FAF1: variants seen among roughly 807,000 people sequenced by gnomAD.
The protein encoded by FAF1 is Fas associated factor 1.
Under a neutral mutation model 92.5 loss-of-function variants are expected in FAF1, and 25 were observed. The ratio of observed to expected loss-of-function variants is 0.27; its 90% CI spans 0.20 to 0.38. The LOEUF (loss-of-function observed/expected upper bound fraction) is 0.38. FAF1 is among the 10% of genes least tolerant of loss of function. The pLI, the probability that FAF1 is intolerant of heterozygous loss-of-function variation, is 1.00. For missense variants in FAF1, 636 were observed against 793.3 expected (o/e 0.80, Z 2.38); for synonymous variants, 234 against 273.2 (o/e 0.86, Z 1.42).
At chr1:50,469,911 T>C (rs924780018) in intron 18 of FAF1, among the ~76,000 whole-genome samples, 1 of 152,172 alleles carries the variant, frequency 6.6e-6, no homozygotes, top group African/African-American at 2.4e-5. Flanking sequence ...TAACCAGATA[T>C]AGTGACATAA....
At position 50,883,093 on chromosome 1, in the gene FAF1, T is replaced by C. The variant is rs137888593; in HGVS notation, c.46-25096A>G. Among the ~76,000 whole-genome samples the C allele has an allele frequency of 1.4e-4, 22 of 152,154 alleles. No individual in the cohort carries two copies. In the East Asian group the frequency reaches 2.9e-3, roughly 20 times the overall value. ...CCAGATTTGATAACCAGGAGGTCAC[T>C]GTTTGCCCCACCTGGAAACCCCTAT... is the stretch of plus-strand genomic sequence containing the variant. On this transcript the variant is annotated intron_variant, in intron 1 of 18. Transcript: ENST00000396153.
intron 18 of FAF1, among the ~76,000 whole-genome samples, chr1:50,454,881 T>TA (rs1646333927): frequency 6.6e-6 from 1 of 152,234 alleles, no homozygotes. Flanking sequence ...ACTGGCTACC[T>TA]ATCCCCAGGT....
At chr1:50,556,521 C>T (rs1436985530) in intron 13 of FAF1, among the ~76,000 whole-genome samples, 1 of 152,086 alleles carries the variant, frequency 6.6e-6, no homozygotes, top group Non-Finnish European at 1.5e-5. Flanking sequence ...ACCACTTGTA[C>T]CCCTAAATCT....
At chr1:50,554,415 A>T (rs915787681) in intron 13 of FAF1, among the ~76,000 whole-genome samples, 4 of 148,096 alleles carry the variant, frequency 2.7e-5, no homozygotes, top group East Asian at 2.0e-4. Context: ...AGAGAGAGAG[A>T]GTCTTAAATT....
intron 7 of FAF1, among the ~76,000 whole-genome samples, chr1:50,658,381 G>C (rs1276165991): frequency 6.6e-6 from 1 of 152,000 alleles, no homozygotes; most frequent in African/African-American, 2.4e-5. Flanking sequence ...AATACTATAA[G>C]TATACAAACA....
chr1:50,628,770 T>G (rs1324573820), intron 8 of FAF1, among the ~76,000 whole-genome samples: 1 of 152,190 alleles, frequency 6.6e-6, no homozygotes, highest in African/African-American at 2.4e-5. Flanking sequence ...ATGGCCACAA[T>G]GTGTAGCATG....
chr1:50,884,263 C>T (rs2124691806), intron 1 of FAF1, among the ~76,000 whole-genome samples: 1 of 152,072 alleles, frequency 6.6e-6, no homozygotes, highest in East Asian at 1.9e-4. Context: ...GCCTGTAATC[C>T]CAGCACTTTG....
intron 17 of FAF1, among the ~76,000 whole-genome samples, chr1:50,486,384 T>G (rs1646769368): frequency 1.3e-5 from 2 of 152,220 alleles, no homozygotes; most frequent in African/African-American, 4.8e-5. Context: ...GAGCAAGCCC[T>G]GTGCCGTTCC....
chr1:50,719,511 T>A (rs1658321944), intron 6 of FAF1, among the ~76,000 whole-genome samples: 1 of 152,244 alleles, frequency 6.6e-6, no homozygotes, highest in Non-Finnish European at 1.5e-5. Context: ...TCAGGTGGCC[T>A]CAGGTCTATA....
chr1:50,830,690 T>C (rs2124631509), intron 2 of FAF1, among the ~76,000 whole-genome samples: 1 of 152,032 alleles, frequency 6.6e-6, no homozygotes, highest in African/African-American at 2.4e-5. Flanking sequence ...CTCCAATGGC[T>C]TCCCATCTCA....
chr1:50,475,486 A>T lies in FAF1; in HGVS notation c.1847T>A (p.Leu616Gln), dbSNP rs1461106757. The T allele has an allele frequency of 1.2e-6, 2 of 1,613,660 alleles. No individual in the cohort carries two copies. Among genetic ancestry groups the T allele is most frequent in the Admixed American group, 1.7e-5 (1 of 60,006 alleles). The change falls in exon 18 of 19, where the codon CTG becomes CAG. Residue 616 changes from leucine to glutamine, a missense_variant. Physicochemically the swap from Leu to Gln is moderately radical, Grantham distance 113. This residue lies in a region of FAF1 where 319 missense variants were observed against 451.0 expected (regional missense o/e 0.71). Transcript: ENST00000396153. ...KGFPWDEYKL[L>Q]STFPRRDVTQ... ...TACGTCTCTCCTAGGAAAGGTGCTCAGTAACTTGTACTCATCCCATGGAAA... is the reference window on the plus strand; with the variant it reads ...TACGTCTCTCCTAGGAAAGGTGCTCTGTAACTTGTACTCATCCCATGGAAA...
intron 1 of FAF1, among the ~76,000 whole-genome samples, chr1:50,932,898 G>T (rs1267342832): frequency 6.6e-6 from 1 of 152,164 alleles, no homozygotes; most frequent in Non-Finnish European, 1.5e-5. Flanking sequence ...GCACCCGGAG[G>T]CTCAACACCA....
intron 1 of FAF1, among the ~76,000 whole-genome samples, chr1:50,933,261 T>C (rs974059426): frequency 1.3e-5 from 2 of 152,218 alleles, no homozygotes; most frequent in South Asian, 2.1e-4. Flanking sequence ...TTATGCTCTT[T>C]TGTCCTTTTA....
At chr1:50,723,755 C>CT (rs1434711680) in intron 6 of FAF1, among the ~76,000 whole-genome samples, 2 of 150,804 alleles carry the variant, frequency 1.3e-5, no homozygotes, top group Non-Finnish European at 3.0e-5. Context: ...CTTTTTTTTT[C>CT]TTTTTTTTCT....
At chr1:50,832,054 C>T (rs1644160093) in intron 2 of FAF1, among the ~76,000 whole-genome samples, 1 of 151,866 alleles carries the variant, frequency 6.6e-6, no homozygotes, top group Non-Finnish European at 1.5e-5. Flanking sequence ...CCAGATGGGA[C>T]CATCTAGTTG....
chr1:50,633,629 A>G (rs1378095138), intron 8 of FAF1, among the ~76,000 whole-genome samples: 1 of 152,228 alleles, frequency 6.6e-6, no homozygotes, highest in Non-Finnish European at 1.5e-5. Flanking sequence ...CCAGCAGGGA[A>G]TAAGTATCTG....
intron 12 of FAF1, among the ~76,000 whole-genome samples, chr1:50,570,150 T>C (rs183893736): frequency 6.6e-6 from 1 of 152,188 alleles, no homozygotes; most frequent in Admixed American, 6.5e-5. Flanking sequence ...AGCCTCTAGC[T>C]CCTAGAGAGA....
intron 15 of FAF1, among the ~76,000 whole-genome samples, chr1:50,519,457 G>A (rs1232366365): frequency 8.9e-5 from 13 of 146,808 alleles, no homozygotes; most frequent in African/African-American, 3.3e-4. Context: ...GAAGGAGGGA[G>A]GGAAGGAAGG....
At chr1:50,783,981 CAG>C (rs911993412) in intron 4 of FAF1, among the ~76,000 whole-genome samples, 15 of 152,236 alleles carry the variant, frequency 9.9e-5, no homozygotes, top group East Asian at 1.9e-4. Context: ...AAGCTTTTGA[CAG>C]AAGTCAACAT....
Sources: allele counts gnomAD v4.1 joint callset (sites outside exome capture counted in the v4.1 genomes callset), GRCh38; gene constraint gnomAD v4.1.1; regional missense constraint gnomAD v4.1.1; transcripts MANE v1.5; gene names NCBI Gene and HGNC (gene_info 2026-07-23, HGNC 2026-07-21).